RBM12B: variants seen among roughly 807,000 people sequenced by gnomAD.
RBM12B encodes the protein RNA-binding protein 12B.
Under a neutral mutation model 34.3 loss-of-function variants are expected in RBM12B, and 10 were observed. The observed-to-expected ratio is 0.29, with a 90% CI of 0.18 to 0.49. The LOEUF (loss-of-function observed/expected upper bound fraction) is 0.49. Ranked by LOEUF, RBM12B falls within the 20% of genes least tolerant of loss-of-function variation. The pLI is 0.99. For missense variants in RBM12B, 1,139 were observed against 1,262.7 expected, an observed-to-expected ratio of 0.90 and a Z score of 1.48; for synonymous variants, 477 against 437.1, an observed-to-expected ratio of 1.09 and a Z score of -1.14.
Position 93,734,296 on chromosome 8 carries a change from C to T in RBM12B, c.2115G>A (p.Glu705=), listed in dbSNP as rs1414252354. 2.5e-6 allele frequency: 4 copies of T among 1,613,124 alleles called. No homozygotes were observed. Among genetic ancestry groups the T allele is most frequent in the Non-Finnish European group, 3.4e-6 (4 of 1,179,740 alleles). ...PEDDFRRPPE[E]DFRHSPEEDF... ...CCTCCTCAGGGGAATGCCTGAAATC[C>T]TCCTCTGGGGGCCGCCTGAAGTCAT... The change falls in exon 4 of 4, where the codon GAG becomes GAA. Residue 705 remains glutamate (E), a synonymous_variant. Coordinates refer to ENST00000520560, the MANE Select transcript of RBM12B (RefSeq NM_001377960.1).
Position 93,729,267 on chromosome 8 carries a change from G to A in RBM12B, c.*4138C>T, listed in dbSNP as rs1458892454. 6.6e-6 allele frequency: 1 copy of A among 152,006 alleles called. No individual in the cohort carries two copies. Among genetic ancestry groups the A allele is most frequent in the African/African-American group, 2.4e-5 (1 of 41,386 alleles). 9.4% of individuals were successfully genotyped at this position (152,006 alleles called of 1,614,324 possible). On this transcript the variant is annotated 3_prime_UTR_variant, in exon 4 of 4. Transcript: ENST00000520560. ...GAAAGCTTCTGACTTTGTCAATCAT[G>A]GCTCTGTTCTTAACAAAGCACTCCT... is the stretch of plus-strand genomic sequence containing the variant.
intron 2 of RBM12B, chr8:93,740,402 G>T (rs1316655001): frequency 2.2e-6 from 1 of 457,310 alleles, no homozygotes; most frequent in Non-Finnish European, 4.4e-6. Context: ...CGATGTTGTC[G>T]CCAGACTTTC....
chr8:93,738,796 T>C (rs563688972), intron 2 of RBM12B, among the ~76,000 whole-genome samples: 2 of 152,302 alleles, frequency 1.3e-5, no homozygotes, highest in Non-Finnish European at 2.9e-5. Context: ...CAAATAAATG[T>C]TGCGTTAATC....
chr8:93,733,912 TTCC>T lies in RBM12B; in HGVS notation c.2496_2498del (p.Glu833del). 1.9e-6 allele frequency: 3 copies of T among 1,612,508 alleles called. No homozygotes were observed. The highest frequency in any genetic ancestry group is 2.5e-6 in the Non-Finnish European group (3 of 1,179,452). ...CCTCATCAGAAGGGCATCTAAAATC[TTCC>T]TCCTGGGGGCTCCTGAAGTCCTCAT... On this transcript the variant is annotated inframe_deletion, in exon 4 of 4. Coordinates refer to ENST00000520560, the MANE Select transcript of RBM12B (RefSeq NM_001377960.1).
chr8:93,728,446 A>G lies in RBM12B; in HGVS notation c.*4959T>C. On this transcript the variant is annotated 3_prime_UTR_variant, in exon 4 of 4. Transcript: ENST00000520560. ...TAAAGGAAACTTATGCTGACCAAAA[A>G]TGAAGGCTTTAAAAAATATTGCATA... 1 of 520,050 alleles carries G rather than the reference A, an allele frequency of 1.9e-6. No individual in the cohort carries two copies. Among genetic ancestry groups the G allele is most frequent in the South Asian group, 3.4e-5 (1 of 29,282 alleles). 32.2% of individuals were successfully genotyped at this position (520,050 alleles called of 1,614,324 possible).
Position 93,732,047 on chromosome 8 carries a change from C to A in RBM12B, c.*1358G>T, listed in dbSNP as rs576326037. ...ATGGTCTTCCTAATTAAAAATACCA[C>A]TTAAAAAAGTGAGGCAGCAAAAGCA... On this transcript the variant is annotated 3_prime_UTR_variant, in exon 4 of 4. Coordinates refer to ENST00000520560, the MANE Select transcript of RBM12B (RefSeq NM_001377960.1). The A allele has an allele frequency of 2.6e-5, 4 of 152,198 alleles. No individual in the cohort carries two copies. Among genetic ancestry groups the A allele is most frequent in the Non-Finnish European group, 5.9e-5 (4 of 68,030 alleles). The allele number at this position is 152,198 out of a possible 1,614,324, so 9.4% of individuals were successfully genotyped here. A position where few individuals can be genotyped will look rare whatever the true frequency, so the allele number is the denominator to read the frequency against.
chr8:93,729,056 C>T lies in RBM12B; in HGVS notation c.*4349G>A, dbSNP rs996353760. ...ACCATATAGTTAATAAAAGGGTATACAGTCACTTTTATTTCTGAAAATATA... is the reference window on the plus strand; with the variant it reads ...ACCATATAGTTAATAAAAGGGTATATAGTCACTTTTATTTCTGAAAATATA... On this transcript the variant is annotated 3_prime_UTR_variant, in exon 4 of 4. Coordinates refer to ENST00000520560, the MANE Select transcript of RBM12B (RefSeq NM_001377960.1). 1.3e-5 allele frequency: 2 copies of T among 152,078 alleles called. No homozygotes were observed. Among genetic ancestry groups the T allele is most frequent in the African/African-American group, 4.8e-5 (2 of 41,448 alleles). 9.4% of individuals were successfully genotyped at this position (152,078 alleles called of 1,614,324 possible). A position where few individuals can be genotyped will look rare whatever the true frequency, so the allele number is the denominator to read the frequency against.
chr8:93,739,562 G>A (rs767647625), intron 2 of RBM12B, among the ~76,000 whole-genome samples: 5 of 152,186 alleles, frequency 3.3e-5, no homozygotes, highest in African/African-American at 9.7e-5. Flanking sequence ...CACTTCTGTG[G>A]TTCCAACATG....
At position 93,733,419 on chromosome 8, in the gene RBM12B, A is replaced by G. The variant is rs770443711; in HGVS notation, c.2992T>C (p.Leu998=). 1 of 1,539,218 alleles carries G rather than the reference A, an allele frequency of 6.5e-7. No homozygotes were observed. The highest frequency in any genetic ancestry group is 2.1e-5 in the Admixed American group (1 of 47,272). ...DRPVGPRKVK[L]TLL is the part of the protein sequence containing the mutation. ...ATGCTCTCTCTCTACAGCAAAGTTAACTTAACTTTTCGGGGCCCAACTGGC... is the reference window on the plus strand; with the variant it reads ...ATGCTCTCTCTCTACAGCAAAGTTAGCTTAACTTTTCGGGGCCCAACTGGC... Residue 998 remains leucine (L), a synonymous_variant, in exon 4 of 4, where the codon TTA becomes CTA. Transcript: ENST00000520560.
chr8:93,733,246 A>T lies in RBM12B; in HGVS notation c.*159T>A. ...GAATGGCAATTTGCAAGCAAAAGAA[A>T]ACCAGATTCACATTCTACTATTTAC... On this transcript the variant is annotated 3_prime_UTR_variant, in exon 4 of 4. Transcript: ENST00000520560. 2.0e-6 allele frequency: 1 copy of T among 498,880 alleles called. No homozygotes were observed. The highest frequency in any genetic ancestry group is 3.2e-6 in the Non-Finnish European group (1 of 314,822). The allele number at this position is 498,880 out of a possible 1,614,324, so 30.9% of individuals were successfully genotyped here.
At chr8:93,738,191 TTCA>T (rs1430417087) in intron 2 of RBM12B, among the ~76,000 whole-genome samples, 1 of 152,196 alleles carries the variant, frequency 6.6e-6, no homozygotes, top group African/African-American at 2.4e-5. Context: ...ACTGTTACAA[TTCA>T]TCTCAAGCCA....
In RBM12B at chr8:93,740,869, A is replaced by G. The variant is rs1812189055; in HGVS notation, c.-146+12T>C. ...GAGGGGAACTGCTTCGCACTTGGCA[A>G]TAAACACACACCACTGCTGCCGAGT... is the stretch of plus-strand genomic sequence containing the variant. On this transcript the variant is annotated intron_variant, in intron 1 of 3. Coordinates refer to ENST00000520560, the MANE Select transcript of RBM12B (RefSeq NM_001377960.1). The G allele has an allele frequency of 3.2e-6, 1 of 316,878 alleles. No individual in the cohort carries two copies. The highest frequency in any genetic ancestry group is 2.6e-5 in the South Asian group (1 of 38,762). 19.6% of individuals were successfully genotyped at this position (316,878 alleles called of 1,614,324 possible).
chr8:93,729,994 T>C lies in RBM12B; in HGVS notation c.*3411A>G, dbSNP rs1811724016. ...GTATTTGCATTATACCAGTTCAACA[T>C]TCCTAACCCAAAAATCTGAAATCTT... On this transcript the variant is annotated 3_prime_UTR_variant, in exon 4 of 4. Coordinates refer to ENST00000520560, the MANE Select transcript of RBM12B (RefSeq NM_001377960.1). 6.6e-6 allele frequency: 1 copy of C among 152,190 alleles called. No homozygotes were observed. Among genetic ancestry groups the C allele is most frequent in the Admixed American group, 6.5e-5 (1 of 15,284 alleles). The allele number at this position is 152,190 out of a possible 1,614,324, so 9.4% of individuals were successfully genotyped here. A position where few individuals can be genotyped will look rare whatever the true frequency, so the allele number is the denominator to read the frequency against.
Position 93,735,218 on chromosome 8 carries a change from T to G in RBM12B, c.1193A>C (p.Gln398Pro), listed in dbSNP as rs764220593. ...QKYSQEGNSG[Q>P]KLCIYIRNFP... Reference sequence around the variant, plus strand: ...ATTTCTTATATAGATGCACAGTTTCTGGCCAGAGTTACCTTCTTGAGAGTA... The same window carrying G: ...ATTTCTTATATAGATGCACAGTTTCGGGCCAGAGTTACCTTCTTGAGAGTA... Residue 398 changes from glutamine to proline, a missense_variant, in exon 4 of 4, where the codon CAG (glutamine) becomes CCG (proline). This residue lies in a region of RBM12B where 863 missense variants were observed against 869.5 expected (regional missense o/e 0.99). Transcript: ENST00000520560. 25 of 1,614,016 alleles carry G rather than the reference T, an allele frequency of 1.5e-5. No homozygotes were observed. The East Asian group carries it at 5.3e-4, about 35-fold the overall frequency.
chr8:93,734,164 C>T lies in RBM12B; in HGVS notation c.2247G>A (p.Arg749=), dbSNP rs368945852. Reference sequence around the variant, plus strand: ...GCCGCCGGAAGTGCTCTGGGGGAGGCCGCCTAAAATGCTCTGGAGGTGGTC... The same window carrying T: ...GCCGCCGGAAGTGCTCTGGGGGAGGTCGCCTAAAATGCTCTGGAGGTGGTC... ...FRRPPPEHFR[R]PPPEHFRRPP... Residue 749 remains arginine, a synonymous_variant, in exon 4 of 4, where the codon CGG becomes CGA. Coordinates refer to ENST00000520560, the MANE Select transcript of RBM12B (RefSeq NM_001377960.1). The T allele has an allele frequency of 2.5e-6, 4 of 1,569,564 alleles. No individual in the cohort carries two copies. Among genetic ancestry groups the T allele is most frequent in the East Asian group, 4.5e-5 (2 of 44,472 alleles).
Position 93,728,725 on chromosome 8 carries a change from A to G in RBM12B, c.*4680T>C, listed in dbSNP as rs1811662176. 6.6e-6 allele frequency: 1 copy of G among 152,186 alleles called. No individual in the cohort carries two copies. The highest frequency in any genetic ancestry group is 2.1e-4 in the South Asian group (1 of 4,832). 9.4% of individuals were successfully genotyped at this position (152,186 alleles called of 1,614,324 possible). The stretch of plus-strand genomic sequence containing the variant: ...TGGAATTCTATTCCATGAAGCCTTA[A>G]GAAAAAAAACTTTTTTTAACTTTCC... On this transcript the variant is annotated 3_prime_UTR_variant, in exon 4 of 4. Transcript: ENST00000520560.
chr8:93,740,635 AAT>A lies in RBM12B; in HGVS notation c.-86_-85del. 5.5e-6 allele frequency: 2 copies of A among 361,504 alleles called. No homozygotes were observed. Among genetic ancestry groups the A allele is most frequent in the South Asian group, 2.1e-5 (1 of 47,698 alleles). The allele number at this position is 361,504 out of a possible 1,614,324, so 22.4% of individuals were successfully genotyped here. A position where few individuals can be genotyped will look rare whatever the true frequency, so the allele number is the denominator to read the frequency against. ...AGCAAAGAAAAAAATATACCTATGA[AAT>A]CCTTCGAGATCTTCACTCTCAAGAT... On this transcript the variant is annotated 5_prime_UTR_variant, in exon 2 of 4. Transcript: ENST00000520560.
chr8:93,734,859 T>C lies in RBM12B; in HGVS notation c.1552A>G (p.Ile518Val), dbSNP rs1432634641. 2 of 1,614,004 alleles carry C rather than the reference T, an allele frequency of 1.2e-6. No individual in the cohort carries two copies. The highest frequency in any genetic ancestry group is 1.3e-5 in the African/African-American group (1 of 74,894). Reference sequence around the variant, plus strand: ...TTTTCAAAAGCACCAACTGAGTATATTGGTGGGTCTTTTGAGTCAAATAAA... The same window carrying C: ...TTTTCAAAAGCACCAACTGAGTATACTGGTGGGTCTTTTGAGTCAAATAAA... Reference protein sequence around the residue: ...SHLFDSKDPPIYSVGAFENFR... With the variant: ...SHLFDSKDPPVYSVGAFENFR... The change falls in exon 4 of 4, where the codon ATA becomes GTA. Residue 518 changes from isoleucine to valine, a missense_variant. Around this residue, in one of 3 missense-constraint regions of RBM12B, gnomAD observed 863 missense variants for 869.5 expected, o/e 0.99. Transcript: ENST00000520560.
At position 93,734,988 on chromosome 8, in the gene RBM12B, T is replaced by C; in HGVS notation, c.1423A>G (p.Ile475Val). Reference protein sequence around the residue: ...FLGTEVLLRLISEAQIQEFGV... With the variant: ...FLGTEVLLRLVSEAQIQEFGV... ...AACTCCTGTATTTGTGCCTCAGATA[T>C]AAGTCTTAATAACACCTCTGTCCCT... The change falls in exon 4 of 4, where the codon ATA becomes GTA. Residue 475 changes from isoleucine to valine, a missense_variant. Around this residue, in one of 3 missense-constraint regions of RBM12B, gnomAD observed 863 missense variants for 869.5 expected, o/e 0.99. Transcript: ENST00000520560. 1.9e-6 allele frequency: 3 copies of C among 1,614,172 alleles called. No homozygotes were observed. The highest frequency in any genetic ancestry group is 2.5e-6 in the Non-Finnish European group (3 of 1,180,024).
Sources: allele counts gnomAD v4.1 joint callset (sites outside exome capture counted in the v4.1 genomes callset), GRCh38; gene constraint gnomAD v4.1.1; regional missense constraint gnomAD v4.1.1; transcripts MANE v1.5; gene names NCBI Gene and HGNC (gene_info 2026-07-23, HGNC 2026-07-21).